The following PDE4D variants were observed in gnomAD, a reference collection of about 807,000 sequenced individuals.
The protein encoded by PDE4D is phosphodiesterase 4D.
Under a neutral mutation model 87.4 loss-of-function variants are expected in PDE4D, and 24 were observed. The ratio of observed to expected loss-of-function variants is 0.27; its 90% CI spans 0.20 to 0.39. PDE4D has a LOEUF of 0.39. PDE4D is among the 10% of genes least tolerant of loss of function. The pLI is 1.00. For missense variants in PDE4D, 714 were observed against 1,041.0 expected (o/e 0.69, Z 4.32); for synonymous variants, 384 against 383.2 (o/e 1.00, Z -0.02).
At chr5:59,804,670 G>C (rs1397580026) in intron 1 of PDE4D, among the ~76,000 whole-genome samples, 1 of 152,246 alleles carries the variant, frequency 6.6e-6, no homozygotes, top group African/African-American at 2.4e-5. Context: ...AAACTCGGAA[G>C]AGTATACAGA....
chr5:60,066,592 T>TATCATCATC (rs55735827), intron 2 of PDE4D, among the ~76,000 whole-genome samples: 3,270 of 149,666 alleles, frequency 0.022, 47 homozygotes, highest in South Asian at 0.049. Flanking sequence ...TAAAGCAAAT[T>TATCATCATC]ATCATCATCA....
At chr5:59,329,756 C>T (rs556230028) in intron 1 of PDE4D, among the ~76,000 whole-genome samples, 7 of 152,086 alleles carry the variant, frequency 4.6e-5, no homozygotes, top group Non-Finnish European at 1.0e-4. Context: ...TAGATCAGTG[C>T]CTGAAACATA....
At chr5:59,043,572 A>T (rs1477415817) in intron 5 of PDE4D, among the ~76,000 whole-genome samples, 1 of 152,112 alleles carries the variant, frequency 6.6e-6, no homozygotes, top group Non-Finnish European at 1.5e-5. Context: ...TTTTATTATT[A>T]CACTTTAAGT....
intron 1 of PDE4D, among the ~76,000 whole-genome samples, chr5:59,845,693 C>A (rs1163112258): frequency 6.6e-6 from 1 of 152,070 alleles, no homozygotes; most frequent in Non-Finnish European, 1.5e-5. Flanking sequence ...ACTACTGAAG[C>A]AAATTTCATC....
intron 1 of PDE4D, among the ~76,000 whole-genome samples, chr5:60,493,561 G>A (rs909455884): frequency 4.6e-5 from 7 of 151,496 alleles, no homozygotes; most frequent in Non-Finnish European, 8.8e-5. Context: ...CCCCAGAGAA[G>A]GAGTATGGAC....
At chr5:59,695,342 G>A (rs1440092008) in intron 1 of PDE4D, among the ~76,000 whole-genome samples, 1 of 151,722 alleles carries the variant, frequency 6.6e-6, no homozygotes, top group Non-Finnish European at 1.5e-5. Flanking sequence ...GCTTCCCCAA[G>A]GCAGGAACTG....
intron 2 of PDE4D, among the ~76,000 whole-genome samples, chr5:60,049,239 G>A (rs546126458): frequency 3.7e-4 from 57 of 152,112 alleles, no homozygotes; most frequent in South Asian, 1.7e-3. Flanking sequence ...GCACTTCTCT[G>A]TATTGGTTAT....
intron 1 of PDE4D, among the ~76,000 whole-genome samples, chr5:59,573,252 A>G (rs556195729): frequency 6.6e-6 from 1 of 152,122 alleles, no homozygotes; most frequent in Non-Finnish European, 1.5e-5. Context: ...CTCACCTCTA[A>G]ATTTCTGATA....
chr5:59,094,324 T>C (rs755584165), intron 5 of PDE4D, among the ~76,000 whole-genome samples: 5 of 137,210 alleles, frequency 3.6e-5, no homozygotes, highest in Middle Eastern at 5.0e-3. Flanking sequence ...AAAATAAAAA[T>C]GTGTGTGAAC....
chr5:59,043,084 A>G (rs1477786985), intron 5 of PDE4D, among the ~76,000 whole-genome samples: 1 of 152,202 alleles, frequency 6.6e-6, no homozygotes, highest in African/African-American at 2.4e-5. Flanking sequence ...TTCTTTGCCA[A>G]CACTTGAAGG....
chr5:59,364,339 T>C (rs1782702571), intron 1 of PDE4D, among the ~76,000 whole-genome samples: 1 of 152,164 alleles, frequency 6.6e-6, no homozygotes, highest in Non-Finnish European at 1.5e-5. Flanking sequence ...ATGAAAACTT[T>C]AGCTTACCTC....
intron 1 of PDE4D, among the ~76,000 whole-genome samples, chr5:59,718,277 A>G (rs1216019215): frequency 6.6e-6 from 1 of 152,222 alleles, no homozygotes; most frequent in Non-Finnish European, 1.5e-5. Flanking sequence ...AGTTTAATCA[A>G]AACAAACTAT....
chr5:59,163,013 A>T (rs1175516611), intron 5 of PDE4D, among the ~76,000 whole-genome samples: 1 of 149,300 alleles, frequency 6.7e-6, no homozygotes, highest in Non-Finnish European at 1.5e-5. Context: ...GCATGATCTC[A>T]CCTCTGCCTC....
chr5:59,754,205 C>T (rs1478779317), intron 1 of PDE4D, among the ~76,000 whole-genome samples: 3 of 152,096 alleles, frequency 2.0e-5, no homozygotes, highest in African/African-American at 4.8e-5. Flanking sequence ...TGTTGCATGC[C>T]TGTAATCCTA....
chr5:59,006,295 T>C (rs1227819062), intron 6 of PDE4D, among the ~76,000 whole-genome samples: 1 of 152,238 alleles, frequency 6.6e-6, no homozygotes, highest in African/African-American at 2.4e-5. Context: ...CCTGGTGAAG[T>C]GCCTCATGCC....
intron 1 of PDE4D, among the ~76,000 whole-genome samples, chr5:59,225,312 G>A (rs564788762): frequency 6.6e-6 from 1 of 152,278 alleles, no homozygotes; most frequent in African/African-American, 2.4e-5. Context: ...TCAGTTGACT[G>A]TGTATGTGTG....
At chr5:60,156,740 A>G (rs1162741116) in intron 2 of PDE4D, among the ~76,000 whole-genome samples, 2 of 152,086 alleles carry the variant, frequency 1.3e-5, no homozygotes, top group South Asian at 2.1e-4. Flanking sequence ...CATTTTTTCT[A>G]TGTATGCTTT....
At chr5:59,797,029 G>A (rs1288572334) in intron 1 of PDE4D, 1 of 151,624 alleles carries the variant, frequency 6.6e-6, no homozygotes, top group Admixed American at 6.6e-5. Flanking sequence ...TGATTTCGAG[G>A]ATAGAAATTC....
chr5:59,543,775 G>A (rs1816777650), intron 1 of PDE4D, among the ~76,000 whole-genome samples: 2 of 152,170 alleles, frequency 1.3e-5, no homozygotes, highest in East Asian at 1.9e-4. Context: ...GAGGTTCCAC[G>A]TCAGGCAAAC....
Sources: gnomAD v4.1 joint callset for allele counts (sites outside exome capture counted in the v4.1 genomes callset) on GRCh38, gnomAD v4.1.1 for gene constraint, MANE v1.5 for transcripts, NCBI Gene and HGNC (gene_info 2026-07-23, HGNC 2026-07-21) for gene names.